RAB38: variants seen among roughly 807,000 people sequenced by gnomAD.
The protein encoded by RAB38 is RAB38, member RAS oncogene family, also known as ras-related protein Rab-38.
Under a neutral mutation model 18.4 loss-of-function variants are expected in RAB38, and 15 were observed. The observed-to-expected ratio is 0.82, with a 90% CI of 0.55 to 1.26. RAB38 has a LOEUF of 1.26. Ranked by LOEUF, RAB38 falls within the 50% of genes most tolerant of loss-of-function variation. The pLI is 0.00. For missense variants in RAB38, 294 were observed against 267.4 expected, an observed-to-expected ratio of 1.10 and a Z score of -0.69; for synonymous variants, 101 against 104.4, an observed-to-expected ratio of 0.97 and a Z score of 0.20.
At chr11:88,026,521 C>G in the RAB38 span, among the ~76,000 whole-genome samples, 1 of 147,286 alleles carries the variant, frequency 6.8e-6, no homozygotes, top group Non-Finnish European at 1.5e-5. Context: ...CAAGATCGCT[C>G]CACTGCACTC....
the RAB38 span, among the ~76,000 whole-genome samples, chr11:88,013,231 C>A: frequency 6.6e-6 from 1 of 152,068 alleles, no homozygotes; most frequent in Non-Finnish European, 1.5e-5. Flanking sequence ...TAGGAACAGG[C>A]ATAGAAAATT....
At chr11:87,860,158 C>T in the RAB38 span, among the ~76,000 whole-genome samples, 1 of 151,832 alleles carries the variant, frequency 6.6e-6, no homozygotes, top group Admixed American at 6.6e-5. Context: ...AAAGTGCTCA[C>T]TATACTAGAG....
the RAB38 span, among the ~76,000 whole-genome samples, chr11:87,945,505 G>T: frequency 6.6e-6 from 1 of 152,088 alleles, no homozygotes; most frequent in African/African-American, 2.4e-5. Flanking sequence ...AGAAAACAGA[G>T]TAAAAGAGAA....
chr11:87,928,791 C>A, the RAB38 span, among the ~76,000 whole-genome samples: 1 of 151,982 alleles, frequency 6.6e-6, no homozygotes, highest in African/African-American at 2.4e-5. Flanking sequence ...CACTAAATCA[C>A]TCATTACTCT....
the RAB38 span, among the ~76,000 whole-genome samples, chr11:88,055,358 ATTAACC>A: frequency 6.6e-6 from 1 of 152,234 alleles, no homozygotes; most frequent in Non-Finnish European, 1.5e-5. Flanking sequence ...TCAACATTAG[ATTAACC>A]TTAAATAGCA....
chr11:88,083,017 G>A, the RAB38 span, among the ~76,000 whole-genome samples: 5 of 151,598 alleles, frequency 3.3e-5, no homozygotes, highest in African/African-American at 1.2e-4. Flanking sequence ...AGTAATATTG[G>A]TCACTTCACT....
At chr11:87,976,880 ATGTATTATATATTATATG>A in the RAB38 span, among the ~76,000 whole-genome samples, 2,726 of 53,908 alleles carry the variant, frequency 0.051, 978 homozygotes, top group African/African-American at 0.061. Context: ...ATGTTATATA[ATGTATTATATATTATATG>A]TTATATAATG....
chr11:87,948,926 C>CTCTTTT, the RAB38 span, among the ~76,000 whole-genome samples: 2 of 152,052 alleles, frequency 1.3e-5, no homozygotes, highest in African/African-American at 2.4e-5. Context: ...GGAGGATTCC[C>CTCTTTT]TCTTTTTCTA....
chr11:88,139,019 C>T (rs1197404419), intron 2 of RAB38, among the ~76,000 whole-genome samples: 1 of 152,064 alleles, frequency 6.6e-6, no homozygotes, highest in Non-Finnish European at 1.5e-5. Flanking sequence ...CTCCTGACCT[C>T]ATGATCCACC....
chr11:87,826,438 A>C, the RAB38 span, among the ~76,000 whole-genome samples: 1 of 152,160 alleles, frequency 6.6e-6, no homozygotes, highest in Non-Finnish European at 1.5e-5. Flanking sequence ...ATTACTTAAA[A>C]GCATATGGTG....
At chr11:88,095,763 C>A in the RAB38 span, among the ~76,000 whole-genome samples, 1 of 151,822 alleles carries the variant, frequency 6.6e-6, no homozygotes, top group Non-Finnish European at 1.5e-5. Context: ...AAATTTGACT[C>A]TTGATCTCCC....
At chr11:87,827,296 T>A in the RAB38 span, among the ~76,000 whole-genome samples, 251 of 152,142 alleles carry the variant, frequency 1.6e-3, 2 homozygotes, top group African/African-American at 5.6e-3. Flanking sequence ...TTTTATTATT[T>A]TTTTTTCTTT....
chr11:87,834,623 G>C, the RAB38 span, among the ~76,000 whole-genome samples: 1 of 152,180 alleles, frequency 6.6e-6, no homozygotes, highest in Non-Finnish European at 1.5e-5. Flanking sequence ...GCGAAATTCA[G>C]TTGAGGGAAG....
chr11:87,865,942 A>C, the RAB38 span, among the ~76,000 whole-genome samples: 1 of 151,740 alleles, frequency 6.6e-6, no homozygotes, highest in Non-Finnish European at 1.5e-5. Context: ...GGAAACAGAG[A>C]GGCAGTTACA....
the RAB38 span, among the ~76,000 whole-genome samples, chr11:87,827,825 C>G: frequency 1.1e-4 from 16 of 152,264 alleles, no homozygotes; most frequent in African/African-American, 3.6e-4. Flanking sequence ...CTGCTCTAAA[C>G]TGTACCTTAC....
the RAB38 span, chr11:87,816,285 C>T: frequency 1.3e-5 from 2 of 152,278 alleles, no homozygotes. Context: ...GGTTTTTCTT[C>T]AAAACCTTCT....
At chr11:87,959,286 C>T in the RAB38 span, among the ~76,000 whole-genome samples, 5 of 152,250 alleles carry the variant, frequency 3.3e-5, no homozygotes, top group East Asian at 9.7e-4. Flanking sequence ...AGCCTAAACC[C>T]TCCATCATTC....
the RAB38 span, among the ~76,000 whole-genome samples, chr11:87,920,133 G>A: frequency 2.6e-5 from 4 of 151,622 alleles, no homozygotes; most frequent in Non-Finnish European, 5.9e-5. Flanking sequence ...TTTATAATCT[G>A]TATTTTATTT....
the RAB38 span, among the ~76,000 whole-genome samples, chr11:88,010,562 A>G: frequency 2.0e-5 from 3 of 152,356 alleles, no homozygotes; most frequent in East Asian, 5.8e-4. Context: ...AAACCTAATT[A>G]GGTTTGGTCA....
Sources: allele counts gnomAD v4.1 joint callset (sites outside exome capture counted in the v4.1 genomes callset), GRCh38; gene constraint gnomAD v4.1.1; transcripts MANE v1.5; gene names NCBI Gene and HGNC (gene_info 2026-07-23, HGNC 2026-07-21).